RAMP3: variants seen among roughly 807,000 people sequenced by gnomAD.
The protein encoded by RAMP3 is receptor activity modifying protein 3, also known as receptor activity-modifying protein 3.
RAMP3 carries 14 observed loss-of-function variants against 13.5 expected under a neutral mutation model. The ratio of observed to expected loss-of-function variants is 1.04; its 90% CI spans 0.69 to 1.63. The LOEUF is 1.63. Ranked by LOEUF, RAMP3 falls within the 40% of genes most tolerant of loss-of-function variation. The probability of loss-of-function intolerance (pLI) is 0.00; values close to 1 mark genes in which losing one functional copy is unlikely to be tolerated. For synonymous variants in RAMP3, 106 were observed against 88.3 expected, an observed-to-expected ratio of 1.20 and a Z score of -1.12; for missense variants, 200 against 204.8, an observed-to-expected ratio of 0.98 and a Z score of 0.14.
intron 1 of RAMP3, among the ~76,000 whole-genome samples, chr7:45,165,494 T>C (rs1352656340): frequency 6.6e-6 from 1 of 152,244 alleles, no homozygotes; most frequent in Admixed American, 6.5e-5. Flanking sequence ...ACCTTTTGTA[T>C]GTTTGAAAAA....
chr7:45,170,584 G>A (rs1437251792), intron 1 of RAMP3, among the ~76,000 whole-genome samples: 1 of 151,850 alleles, frequency 6.6e-6, no homozygotes, highest in Non-Finnish European at 1.5e-5. Context: ...TGATCTGCTC[G>A]CCTCGGCCTT....
At chr7:45,163,820 C>T (rs1013626146) in intron 1 of RAMP3, 1 of 985,390 alleles carries the variant, frequency 1.0e-6, no homozygotes, top group African/African-American at 1.7e-5. Flanking sequence ...TGGAGGGTGG[C>T]ACGGTCAAGC....
rs148672031 is a variant in RAMP3, at chr7:45,183,397, C to T, written c.432C>T (p.Thr144=). Residue 144 remains threonine, a synonymous_variant, in exon 3 of 3, where the codon ACC becomes ACT. Coordinates refer to ENST00000242249, the MANE Select transcript of RAMP3 (RefSeq NM_005856.3). ...TGGTGGTGTGGCGCAGCAAACGCAC[C>T]GACACGCTGCTGTGAGGGTCCCGGT... The part of the protein sequence containing the change: ...AGLVVWRSKR[T]DTLL 3.9e-3 allele frequency: 6,354 copies of T among 1,612,598 alleles called. 16 individuals carry two copies. Among genetic ancestry groups the T allele is most frequent in the Admixed American group, 5.8e-3 (347 of 60,026 alleles).
In RAMP3 at chr7:45,177,439, C is replaced by A; in HGVS notation, c.189C>A (p.Ile63=). Residue 63 remains isoleucine, a splice_region_variant and synonymous_variant, in exon 2 of 3, where the codon ATC becomes ATA. Transcript: ENST00000242249. The stretch of plus-strand genomic sequence containing the variant: ...AGTGGTGCAACCTGTCCGAGTTCAT[C>A]GTGTGAGTGCCACTGCTGGGCGTGG... ...VWKWCNLSEF[I]VYYESFTNCT... is the part of the protein sequence containing the mutation. 10 of 1,614,078 alleles carry A rather than the reference C, an allele frequency of 6.2e-6. No individual in the cohort carries two copies. Among genetic ancestry groups the A allele is most frequent in the Non-Finnish European group, 6.8e-6 (8 of 1,179,942 alleles).
At chr7:45,183,033 G>T in intron 2 of RAMP3, 124 bp from the exon 3 acceptor site, 1 of 1,340,808 alleles carries the variant, frequency 7.5e-7, no homozygotes, top group Non-Finnish European at 1.0e-6. Flanking sequence ...CCAAGGCTGG[G>T]CTGTGAATAG....
chr7:45,163,149 C>T lies in RAMP3; in HGVS notation c.58+5263C>T, dbSNP rs1028652681. 5.1e-5 allele frequency: 50 copies of T among 985,048 alleles called. No individual in the cohort carries two copies. The Admixed American group carries it at 2.3e-3, about 45-fold the overall frequency. 61.0% of individuals were successfully genotyped at this position (985,048 alleles called of 1,614,324 possible). On this transcript the variant is annotated intron_variant, in intron 1 of 2. Transcript: ENST00000242249. The stretch of plus-strand genomic sequence containing the variant: ...GTTTCACACCCCAGAGGCTCCCATG[C>T]AATAGGCCTGGGCTGTGGCCTGGGT...
intron 1 of RAMP3, among the ~76,000 whole-genome samples, chr7:45,173,965 C>A (rs1364989420): frequency 2.6e-5 from 4 of 151,936 alleles, no homozygotes; most frequent in African/African-American, 9.7e-5. Context: ...CAGTGGGGCC[C>A]AGTTGCCAAG....
intron 2 of RAMP3, 125 bp downstream of exon 2, chr7:45,177,566 C>T (rs920466672): frequency 7.2e-7 from 1 of 1,388,978 alleles, no homozygotes; most frequent in Admixed American, 2.0e-5. Flanking sequence ...CCACAACCCA[C>T]CGTAGGCCAC....
intron 1 of RAMP3, among the ~76,000 whole-genome samples, chr7:45,176,798 T>C (rs1027502596): frequency 1.3e-5 from 2 of 152,234 alleles, no homozygotes; most frequent in African/African-American, 4.8e-5. Context: ...GTCCCTGCAG[T>C]GGCCTCAGCC....
At chr7:45,170,480 G>A (rs1786058888) in intron 1 of RAMP3, among the ~76,000 whole-genome samples, 1 of 151,886 alleles carries the variant, frequency 6.6e-6, no homozygotes, top group East Asian at 1.9e-4. Context: ...TAGGACTACA[G>A]GTGCATGCCA....
chr7:45,165,096 C>T (rs1393632585), intron 1 of RAMP3, among the ~76,000 whole-genome samples: 1 of 152,090 alleles, frequency 6.6e-6, no homozygotes, highest in East Asian at 1.9e-4. Context: ...TCTCCTCCTC[C>T]TCCATCCTTG....
At chr7:45,165,762 G>A (rs1785948828) in intron 1 of RAMP3, among the ~76,000 whole-genome samples, 1 of 152,186 alleles carries the variant, frequency 6.6e-6, no homozygotes. Flanking sequence ...TGCTTGTTCT[G>A]CACATTTAGT....
chr7:45,163,270 C>CA, intron 1 of RAMP3: 1 of 985,446 alleles, frequency 1.0e-6, no homozygotes, highest in Admixed American at 6.1e-5. Flanking sequence ...ATAGAGCCCC[C>CA]AAGCCTCAGG....
rs148048476 is a variant in RAMP3, at chr7:45,160,861, T to G, written c.58+2975T>G. On this transcript the variant is annotated intron_variant, in intron 1 of 2. Coordinates refer to ENST00000242249, the MANE Select transcript of RAMP3 (RefSeq NM_005856.3). ...CCAGTAGCTTGATTGGCAATGGCCCTCTTTTGTGGTGTTGCCAGGAATCTG... is the reference window on the plus strand; with the variant it reads ...CCAGTAGCTTGATTGGCAATGGCCCGCTTTTGTGGTGTTGCCAGGAATCTG... Among the ~76,000 whole-genome samples the G allele has an allele frequency of 2.0e-3, 302 of 152,356 alleles. 1 individual carries two copies. Among genetic ancestry groups the G allele is most frequent in the African/African-American group, 6.9e-3 (288 of 41,574 alleles).
At chr7:45,165,975 C>G (rs1343205234) in intron 1 of RAMP3, among the ~76,000 whole-genome samples, 1 of 152,128 alleles carries the variant, frequency 6.6e-6, no homozygotes, top group Non-Finnish European at 1.5e-5. Flanking sequence ...ATGAATAATG[C>G]TGTTATGAAT....
chr7:45,163,520 C>T (rs1196529615), intron 1 of RAMP3: 9 of 985,182 alleles, frequency 9.1e-6, no homozygotes, highest in Non-Finnish European at 1.1e-5. Context: ...CAGGTGCTGC[C>T]AGCAGCCAGA....
chr7:45,163,156 C>T (rs1458210770), intron 1 of RAMP3: 1 of 985,194 alleles, frequency 1.0e-6, no homozygotes, highest in African/African-American at 1.7e-5. Context: ...ATGCAATAGG[C>T]CTGGGCTGTG....
At chr7:45,159,928 A>C (rs930079679) in intron 1 of RAMP3, among the ~76,000 whole-genome samples, 8 of 152,312 alleles carry the variant, frequency 5.3e-5, no homozygotes, top group African/African-American at 1.9e-4. Context: ...CATCGTTTTT[A>C]TCATTAAATG....
chr7:45,168,501 A>T (rs1001236586), intron 1 of RAMP3, among the ~76,000 whole-genome samples: 1 of 151,622 alleles, frequency 6.6e-6, no homozygotes, highest in Non-Finnish European at 1.5e-5. Flanking sequence ...ATTACTAAGA[A>T]TTTTATTATT....
Sources: gnomAD v4.1 joint callset for allele counts (sites outside exome capture counted in the v4.1 genomes callset) on GRCh38, gnomAD v4.1.1 for gene constraint, MANE v1.5 for transcripts, NCBI Gene and HGNC (gene_info 2026-07-23, HGNC 2026-07-21) for gene names.